GALNT18: variants seen among roughly 807,000 people sequenced by gnomAD.
GALNT18 encodes GalNAc-transferase 18.
GALNT18 carries 44 observed loss-of-function variants against 69.5 expected under a neutral mutation model. The ratio of observed to expected loss-of-function variants is 0.63; its 90% CI spans 0.50 to 0.81. The LOEUF is 0.81. GALNT18 is among the 40% of genes least tolerant of loss of function. GALNT18 has a pLI of 0.00. For synonymous variants in GALNT18, 364 were observed against 318.2 expected, an observed-to-expected ratio of 1.14 and a Z score of -1.53; for missense variants, 715 against 810.0, an observed-to-expected ratio of 0.88 and a Z score of 1.42.
intron 1 of GALNT18, among the ~76,000 whole-genome samples, chr11:11,547,869 A>G (rs1378373750): frequency 6.6e-6 from 1 of 152,096 alleles, no homozygotes; most frequent in East Asian, 1.9e-4. Flanking sequence ...AGCCTGCCCT[A>G]TATGTATGCT....
chr11:11,597,664 T>C lies in GALNT18; in HGVS notation c.235+23695A>G, dbSNP rs1463134428. Among the ~76,000 whole-genome samples the C allele has an allele frequency of 2.3e-5, 3 of 128,346 alleles. No individual in the cohort carries two copies. In the East Asian group the frequency reaches 6.3e-4, roughly 27 times the overall value. 84.2% of individuals were successfully genotyped at this position (128,346 alleles called of 152,430 possible). On this transcript the variant is annotated intron_variant, in intron 1 of 10. Coordinates refer to ENST00000227756, the MANE Select transcript of GALNT18 (RefSeq NM_198516.3). ...CCTAATTTTAATAATTTGAGTATTC[T>C]TTTTTTTTTTTTTTGAGACAGAATC...
chr11:11,615,313 T>C (rs373415431), intron 1 of GALNT18, among the ~76,000 whole-genome samples: 4 of 152,340 alleles, frequency 2.6e-5, no homozygotes, highest in South Asian at 2.1e-4. Flanking sequence ...TTTGTAGTCA[T>C]GGCGAACAAC....
rs1856130617 is a variant in GALNT18 at position 11,465,198 on chromosome 11, G to A, written c.236-16262C>T. ...TTCCCAGATCCTCAGCCCCATTCCTGCTGAGGTCAGGGGAGGAAGGGATGT... is the reference window on the plus strand; with the variant it reads ...TTCCCAGATCCTCAGCCCCATTCCTACTGAGGTCAGGGGAGGAAGGGATGT... On this transcript the variant is annotated intron_variant, in intron 1 of 10. Coordinates refer to ENST00000227756, the MANE Select transcript of GALNT18 (RefSeq NM_198516.3). This position sits in a 1 kb window ranked among gnomAD's most constrained non-coding sequence, Gnocchi z 5.7. Among the ~76,000 whole-genome samples, 1 of 152,166 alleles carries A rather than the reference G, an allele frequency of 6.6e-6. No individual in the cohort carries two copies. Among genetic ancestry groups the A allele is most frequent in the East Asian group, 1.9e-4 (1 of 5,188 alleles).
At chr11:11,308,843 G>A (rs4909984) in intron 9 of GALNT18, among the ~76,000 whole-genome samples, 112,938 of 152,066 alleles carry the variant, frequency 0.74, 42,596 homozygotes, top group South Asian at 0.83. Context: ...CAGCATTCAC[G>A]TTGCACTGTG....
At chr11:11,411,934 C>G (rs1447677718) in intron 3 of GALNT18, among the ~76,000 whole-genome samples, 1 of 152,164 alleles carries the variant, frequency 6.6e-6, no homozygotes, top group South Asian at 2.1e-4. Flanking sequence ...TGGTTCTGGG[C>G]CATATTGGGG....
At chr11:11,348,296 T>G (rs1351552076) in intron 6 of GALNT18, among the ~76,000 whole-genome samples, 1 of 150,066 alleles carries the variant, frequency 6.7e-6, no homozygotes, top group Non-Finnish European at 1.5e-5. Flanking sequence ...GAGAATCGCT[T>G]GAACCCAGGA....
At chr11:11,574,704 G>A (rs569365215) in intron 1 of GALNT18, among the ~76,000 whole-genome samples, 81 of 152,336 alleles carry the variant, frequency 5.3e-4, no homozygotes, top group Non-Finnish European at 1.0e-3. Flanking sequence ...AGGAGCTGAT[G>A]TCAAGGGGAA....
At chr11:11,473,268 G>A (rs992975622) in intron 1 of GALNT18, among the ~76,000 whole-genome samples, 2 of 152,212 alleles carry the variant, frequency 1.3e-5, no homozygotes, top group Non-Finnish European at 2.9e-5. Context: ...CAAGGCAAGA[G>A]CTTTGGATGA....
At chr11:11,525,507 G>A (rs907435811) in intron 1 of GALNT18, among the ~76,000 whole-genome samples, 1 of 152,054 alleles carries the variant, frequency 6.6e-6, no homozygotes, top group Non-Finnish European at 1.5e-5. Flanking sequence ...GGAAGAATGA[G>A]TAATACACAG....
chr11:11,323,186 A>C (rs1379609847), intron 9 of GALNT18, among the ~76,000 whole-genome samples: 2 of 152,200 alleles, frequency 1.3e-5, no homozygotes, highest in African/African-American at 4.8e-5. Context: ...CAAAGGTCTT[A>C]ACTCATTCTA....
rs139029611 is a variant in GALNT18, at chr11:11,615,365, T to A, written c.235+5994A>T. 2.6e-5 allele frequency among the ~76,000 whole-genome samples: 4 copies of A among 152,348 alleles called. No homozygotes were observed. In the East Asian group the frequency reaches 7.7e-4, roughly 29 times the overall value. On this transcript the variant is annotated intron_variant, in intron 1 of 10. Transcript: ENST00000227756. Reference sequence around the variant, plus strand: ...GGTATACATTAATATGCACATAATATGACTAACAAACTTTCAGGAAACAAA... The same window carrying A: ...GGTATACATTAATATGCACATAATAAGACTAACAAACTTTCAGGAAACAAA...
chr11:11,375,731 C>T (rs1221255675), intron 5 of GALNT18, among the ~76,000 whole-genome samples: 1 of 152,134 alleles, frequency 6.6e-6, no homozygotes, highest in East Asian at 1.9e-4. Context: ...TGAGCCAATG[C>T]GTGTAAAAGA....
chr11:11,310,767 C>G (rs187662704), intron 9 of GALNT18, among the ~76,000 whole-genome samples: 23 of 152,286 alleles, frequency 1.5e-4, no homozygotes, highest in Non-Finnish European at 3.1e-4. Context: ...GAGCAACAAA[C>G]CGATTTCAGA....
Position 11,461,041 on chromosome 11 carries a change from G to A in GALNT18, c.236-12105C>T, listed in dbSNP as rs530481786. Among the ~76,000 whole-genome samples the A allele has an allele frequency of 6.6e-6, 1 of 152,302 alleles. No homozygotes were observed. The highest frequency in any genetic ancestry group is 1.9e-4 in the East Asian group (1 of 5,184). On this transcript the variant is annotated intron_variant, in intron 1 of 10. Transcript: ENST00000227756. The surrounding 1 kb of genome is among the most constrained non-coding windows in gnomAD (Gnocchi z 4.1). ...GGTGGGCTAGGACTCAGGAAGGGTG[G>A]TGGGTCCCAGCAAAAGACCAGAGTC...
At chr11:11,575,252 C>T (rs958556227) in intron 1 of GALNT18, among the ~76,000 whole-genome samples, 2 of 152,200 alleles carry the variant, frequency 1.3e-5, no homozygotes, top group African/African-American at 4.8e-5. Flanking sequence ...CTTTGTCCCA[C>T]TCCAGAGCCT....
chr11:11,587,738 G>C lies in GALNT18; in HGVS notation c.235+33621C>G, dbSNP rs559045577. On this transcript the variant is annotated intron_variant, in intron 1 of 10. Coordinates refer to ENST00000227756, the MANE Select transcript of GALNT18 (RefSeq NM_198516.3). This position sits in a 1 kb window ranked among gnomAD's most constrained non-coding sequence, Gnocchi z 4.4. ...CAACATTTCCCCTTGACTTCCCCTG[G>C]TAGGTGATCAAACTTAAAGAAGAGG... 6.6e-6 allele frequency among the ~76,000 whole-genome samples: 1 copy of C among 151,906 alleles called. No individual in the cohort carries two copies. The highest frequency in any genetic ancestry group is 2.1e-4 in the South Asian group (1 of 4,790).
intron 1 of GALNT18, among the ~76,000 whole-genome samples, chr11:11,559,454 C>T (rs1187329171): frequency 6.6e-6 from 1 of 152,196 alleles, no homozygotes; most frequent in Non-Finnish European, 1.5e-5. Flanking sequence ...TCTGTTTCCC[C>T]AGTGCTTAGA....
chr11:11,524,815 A>G (rs933338516), intron 1 of GALNT18, among the ~76,000 whole-genome samples: 3 of 152,364 alleles, frequency 2.0e-5, no homozygotes, highest in Non-Finnish European at 4.4e-5. Context: ...AACGAAATGT[A>G]TAAGTAAATA....
At chr11:11,576,443 G>A (rs1858925529) in intron 1 of GALNT18, among the ~76,000 whole-genome samples, 1 of 152,250 alleles carries the variant, frequency 6.6e-6, no homozygotes, top group Non-Finnish European at 1.5e-5. Context: ...AGAGGACAGT[G>A]GGGTTGGAGC....
Sources: gnomAD v4.1 joint callset for allele counts (sites outside exome capture counted in the v4.1 genomes callset) on GRCh38, gnomAD v4.1.1 for gene constraint, Gnocchi (gnomAD v3.1) non-coding constraint, MANE v1.5 for transcripts, NCBI Gene and HGNC (gene_info 2026-07-23, HGNC 2026-07-21) for gene names.